ANTXR1: variants seen among roughly 807,000 people sequenced by gnomAD.
The protein encoded by ANTXR1 is anthrax toxin receptor 1.
Under a neutral mutation model 78.1 loss-of-function variants are expected in ANTXR1, and 19 were observed. That is an observed-to-expected ratio of 0.24 (90% CI 0.17 to 0.36). ANTXR1 has a LOEUF of 0.36. ANTXR1 is among the 10% of genes least tolerant of loss of function. The probability of loss-of-function intolerance (pLI) is 1.00; values close to 1 mark genes in which losing one functional copy is unlikely to be tolerated. For synonymous variants in ANTXR1, 273 were observed against 260.5 expected, an observed-to-expected ratio of 1.05 and a Z score of -0.46; for missense variants, 518 against 718.6, an observed-to-expected ratio of 0.72 and a Z score of 3.19.
intron 14 of ANTXR1, among the ~76,000 whole-genome samples, chr2:69,176,172 A>G (rs1289819455): frequency 7.2e-6 from 1 of 138,198 alleles, no homozygotes; most frequent in African/African-American, 2.7e-5. Flanking sequence ...TTAATACTTT[A>G]AAAAAAAAAA....
chr2:69,234,802 A>G (rs1329116573), intron 17 of ANTXR1, among the ~76,000 whole-genome samples: 1 of 151,916 alleles, frequency 6.6e-6, no homozygotes, highest in Non-Finnish European at 1.5e-5. Context: ...TAATCCTTAC[A>G]ATAATCTCAT....
At chr2:69,089,735 T>G (rs1671167861) in intron 8 of ANTXR1, among the ~76,000 whole-genome samples, 2 of 152,268 alleles carry the variant, frequency 1.3e-5, no homozygotes, top group African/African-American at 4.8e-5. Context: ...TTAAATTTTA[T>G]AATCATATCG....
intron 3 of ANTXR1, among the ~76,000 whole-genome samples, chr2:69,051,401 C>A (rs1030189039): frequency 1.3e-5 from 2 of 151,694 alleles, no homozygotes; most frequent in African/African-American, 4.8e-5. Flanking sequence ...ATGTCCTGTT[C>A]TTATTATTGT....
chr2:69,243,101 C>T (rs1270302442), intron 17 of ANTXR1, among the ~76,000 whole-genome samples: 2 of 152,232 alleles, frequency 1.3e-5, no homozygotes, highest in African/African-American at 4.8e-5. Context: ...CATTGCAACT[C>T]CTAAACCAAT....
At chr2:69,126,588 T>G (rs1272676401) in intron 12 of ANTXR1, among the ~76,000 whole-genome samples, 1 of 152,102 alleles carries the variant, frequency 6.6e-6, no homozygotes, top group Non-Finnish European at 1.5e-5. Flanking sequence ...TATTTCTCAT[T>G]ATGTCTGACC....
At chr2:69,160,349 G>A (rs747356013) in intron 13 of ANTXR1, among the ~76,000 whole-genome samples, 25 of 152,080 alleles carry the variant, frequency 1.6e-4, no homozygotes, top group Non-Finnish European at 3.2e-4. Flanking sequence ...TGTCAAAGTC[G>A]ACTGGGTTTC....
chr2:69,035,627 G>C (rs553905747), intron 1 of ANTXR1, among the ~76,000 whole-genome samples: 1 of 152,148 alleles, frequency 6.6e-6, no homozygotes, highest in Admixed American at 6.5e-5. Flanking sequence ...CATCTCCAGC[G>C]TGGCTCAAAG....
intron 13 of ANTXR1, among the ~76,000 whole-genome samples, chr2:69,155,214 G>A (rs778895483): frequency 6.6e-5 from 10 of 152,144 alleles, no homozygotes; most frequent in Non-Finnish European, 7.4e-5. Flanking sequence ...ATGACTGATG[G>A]GGAGAGAGAA....
intron 14 of ANTXR1, among the ~76,000 whole-genome samples, chr2:69,180,361 C>T (rs777600736): frequency 6.6e-6 from 1 of 152,208 alleles, no homozygotes; most frequent in Non-Finnish European, 1.5e-5. Context: ...TTCCAGCTTC[C>T]TTTCTCTACC....
At chr2:69,184,200 T>C (rs1178906723) in intron 16 of ANTXR1, among the ~76,000 whole-genome samples, 1 of 152,228 alleles carries the variant, frequency 6.6e-6, no homozygotes, top group Non-Finnish European at 1.5e-5. Context: ...TCAGGCAGTG[T>C]AGCGAAACGT....
intron 16 of ANTXR1, among the ~76,000 whole-genome samples, chr2:69,188,669 C>A (rs1674481695): frequency 6.6e-6 from 1 of 152,242 alleles, no homozygotes; most frequent in Non-Finnish European, 1.5e-5. Flanking sequence ...GTGGATAAAT[C>A]TTTGTCCTAG....
intron 12 of ANTXR1, among the ~76,000 whole-genome samples, chr2:69,134,155 C>A (rs528846710): frequency 6.6e-6 from 1 of 152,134 alleles, no homozygotes; most frequent in Admixed American, 6.5e-5. Flanking sequence ...AATCTCCGTT[C>A]GAATATTGTG....
intron 17 of ANTXR1, among the ~76,000 whole-genome samples, chr2:69,199,418 C>T (rs960540896): frequency 6.6e-6 from 1 of 152,148 alleles, no homozygotes; most frequent in African/African-American, 2.4e-5. Flanking sequence ...CACCAAGCCG[C>T]CCCTTTTCTA....
chr2:69,100,919 A>C (rs1038434174), intron 9 of ANTXR1, among the ~76,000 whole-genome samples: 1 of 152,204 alleles, frequency 6.6e-6, no homozygotes, highest in Non-Finnish European at 1.5e-5. Flanking sequence ...ATTTGCATCA[A>C]CGTGTATGTA....
intron 15 of ANTXR1, 72 bp downstream of exon 15, chr2:69,181,953 C>G: frequency 6.9e-7 from 1 of 1,441,300 alleles, no homozygotes; most frequent in Non-Finnish European, 9.7e-7. Flanking sequence ...CGGGCCTGAC[C>G]CTGCTTAGCC....
chr2:69,151,486 C>A (rs545946028), intron 12 of ANTXR1, among the ~76,000 whole-genome samples: 4 of 152,098 alleles, frequency 2.6e-5, no homozygotes, highest in Non-Finnish European at 5.9e-5. Context: ...AGTTAGACAT[C>A]GCAGTCCACA....
chr2:69,102,661 G>C (rs553713823), intron 9 of ANTXR1, among the ~76,000 whole-genome samples, 181 bp from the exon 10 acceptor site: 1 of 152,348 alleles, frequency 6.6e-6, no homozygotes, highest in African/African-American at 2.4e-5. Context: ...GGGACACCTA[G>C]TGAGGATGCA....
chr2:69,104,509 A>G (rs1049637818), intron 10 of ANTXR1, among the ~76,000 whole-genome samples: 2 of 152,204 alleles, frequency 1.3e-5, no homozygotes, highest in African/African-American at 2.4e-5. Flanking sequence ...GAGTAGTCAC[A>G]GTGTGAAAGT....
intron 17 of ANTXR1, among the ~76,000 whole-genome samples, chr2:69,209,338 C>T (rs1419936623): frequency 2.6e-5 from 4 of 152,222 alleles, no homozygotes; most frequent in Non-Finnish European, 5.9e-5. Flanking sequence ...TATTCTGACC[C>T]TGTGACACAG....
Sources: allele counts gnomAD v4.1 joint callset (sites outside exome capture counted in the v4.1 genomes callset), GRCh38; gene constraint gnomAD v4.1.1; transcripts MANE v1.5; gene names NCBI Gene and HGNC (gene_info 2026-07-23, HGNC 2026-07-21).